The following ZFHX3 variants were observed in gnomAD, a reference collection of about 807,000 sequenced individuals.
ZFHX3 encodes the protein zinc finger homeobox protein 3.
In ZFHX3, 42 loss-of-function variants were observed where a neutral mutation model predicts 279.1. The ratio of observed to expected loss-of-function variants is 0.15; its 90% CI spans 0.12 to 0.19. ZFHX3 has a LOEUF of 0.19. ZFHX3 is among the 10% of genes least tolerant of loss of function. ZFHX3 has a pLI of 1.00. For synonymous variants in ZFHX3, 2,293 were observed against 1,957.8 expected (o/e 1.17, Z -4.52); for missense variants, 4,981 against 4,754.0 (o/e 1.05, Z -1.40).
intron 1 of ZFHX3, among the ~76,000 whole-genome samples, chr16:72,998,905 T>C (rs1200867774): frequency 6.6e-6 from 1 of 152,254 alleles, no homozygotes; most frequent in Non-Finnish European, 1.5e-5. Context: ...TGTCCACCAT[T>C]AAACTAGACC....
At chr16:73,651,199 GA>G (rs1205399642) in intron 2 of ZFHX3, among the ~76,000 whole-genome samples, 4 of 151,178 alleles carry the variant, frequency 2.6e-5, no homozygotes, top group African/African-American at 7.3e-5. Context: ...AGGCAAATGG[GA>G]GTATTAGTCA....
chr16:73,510,913 C>T (rs986310397), intron 2 of ZFHX3, among the ~76,000 whole-genome samples: 4 of 152,242 alleles, frequency 2.6e-5, no homozygotes, highest in Non-Finnish European at 5.9e-5. Context: ...CTCCTCTACC[C>T]TACAGTCTAT....
intron 2 of ZFHX3, among the ~76,000 whole-genome samples, chr16:73,635,685 G>A (rs1231876631): frequency 6.6e-6 from 1 of 151,938 alleles, no homozygotes; most frequent in Non-Finnish European, 1.5e-5. Context: ...CTCACCCTGT[G>A]ATCCTGATTG....
chr16:73,439,930 A>C (rs2018059709), intron 3 of ZFHX3, among the ~76,000 whole-genome samples: 8 of 143,256 alleles, frequency 5.6e-5, no homozygotes, highest in Admixed American at 2.0e-4. Context: ...AAAAAAAAAA[A>C]AACACAAAAA....
chr16:73,449,856 TA>T (rs1196669111), intron 3 of ZFHX3, among the ~76,000 whole-genome samples: 1 of 151,366 alleles, frequency 6.6e-6, no homozygotes, highest in East Asian at 1.9e-4. Context: ...CTCTTAATCA[TA>T]GATTGTTTCA....
intron 2 of ZFHX3, among the ~76,000 whole-genome samples, chr16:73,550,444 C>T (rs954933353): frequency 6.6e-6 from 1 of 152,166 alleles, no homozygotes; most frequent in Non-Finnish European, 1.5e-5. Flanking sequence ...CTTTGGAGAA[C>T]GCCCGCCGTC....
At chr16:73,542,747 C>G (rs1350526809) in intron 2 of ZFHX3, among the ~76,000 whole-genome samples, 2 of 152,004 alleles carry the variant, frequency 1.3e-5, no homozygotes, top group Non-Finnish European at 2.9e-5. Context: ...ATAAATATGT[C>G]TCATGCAATA....
chr16:73,055,308 T>C (rs1289211106), intron 1 of ZFHX3, among the ~76,000 whole-genome samples: 1 of 152,052 alleles, frequency 6.6e-6, no homozygotes, highest in Non-Finnish European at 1.5e-5. Context: ...GGGTTTTCTG[T>C]TGTTGCTGGG....
chr16:72,959,935 G>T lies in ZFHX3; in HGVS notation c.211C>A (p.Pro71Thr). 2 of 1,600,326 alleles carry T rather than the reference G, an allele frequency of 1.2e-6. No homozygotes were observed. Among genetic ancestry groups the T allele is most frequent in the Non-Finnish European group, 8.5e-7 (1 of 1,173,178 alleles). ...LAESTASAGP[P>T]SEPASKEVTC... The stretch of plus-strand genomic sequence containing the variant: ...ACCTCCTTGCTGGCGGGCTCGGAGG[G>T]GGGCCCGGCCGACGCGGTGCTCTCC... The change falls in exon 2 of 10, where the codon CCC (proline) becomes ACC (threonine). Residue 71 changes from proline to threonine, a missense_variant. This residue lies in a region of ZFHX3 where 1,068 missense variants were observed against 935.2 expected (regional missense o/e 1.14). Transcript: ENST00000268489.
intron 3 of ZFHX3, among the ~76,000 whole-genome samples, chr16:72,891,247 T>G (rs1478303673): frequency 6.6e-6 from 1 of 152,212 alleles, no homozygotes; most frequent in Non-Finnish European, 1.5e-5. Context: ...TTACGTCCTC[T>G]GTTGTACTTA....
At chr16:72,936,498 C>A (rs1300599929) in intron 3 of ZFHX3, among the ~76,000 whole-genome samples, 1 of 152,174 alleles carries the variant, frequency 6.6e-6, no homozygotes, top group Non-Finnish European at 1.5e-5. Context: ...ACTGGGTTGT[C>A]AGGGAAAGCC....
intron 1 of ZFHX3, among the ~76,000 whole-genome samples, chr16:72,994,833 G>A (rs1255492608): frequency 6.6e-6 from 1 of 152,230 alleles, no homozygotes; most frequent in East Asian, 1.9e-4. Flanking sequence ...TCTCTTGGCA[G>A]GTTTCAAGGT....
rs375435134 is a variant in ZFHX3 at position 72,855,138 on chromosome 16, C to T, written c.3449-25279G>A. Among the ~76,000 whole-genome samples the T allele has an allele frequency of 6.6e-5, 10 of 152,268 alleles. No homozygotes were observed. In the East Asian group the frequency reaches 1.9e-3, roughly 29 times the overall value. On this transcript the variant is annotated intron_variant, in intron 4 of 9. Coordinates refer to ENST00000268489, the MANE Select transcript of ZFHX3 (RefSeq NM_006885.4). ...CCATCTTCAACCTCTCCCTCTTCTC[C>T]CAAAATATATTCTACATTGTGGTCA...
intron 3 of ZFHX3, among the ~76,000 whole-genome samples, chr16:73,362,650 T>C (rs565412983): frequency 6.6e-6 from 1 of 152,334 alleles, no homozygotes; most frequent in South Asian, 2.1e-4. Flanking sequence ...TGTGGCATAA[T>C]ATAAGACAAG....
intron 8 of ZFHX3, among the ~76,000 whole-genome samples, chr16:73,087,631 A>G (rs1277075251): frequency 1.3e-5 from 2 of 152,190 alleles, no homozygotes; most frequent in Non-Finnish European, 2.9e-5. Context: ...CTGGGACTCT[A>G]AGCAACTGGC....
At chr16:73,469,627 A>ATAT (rs1555519000) in intron 2 of ZFHX3, among the ~76,000 whole-genome samples, 1 of 149,860 alleles carries the variant, frequency 6.7e-6, no homozygotes, top group East Asian at 2.0e-4. Context: ...ATATATATAT[A>ATAT]TTTTTTTTGA....
exon 8 of ZFHX3, chr16:73,093,549 G>A (rs368344291): frequency 3.8e-4 from 194 of 511,202 alleles, no homozygotes; most frequent in Non-Finnish European, 5.6e-4. Context: ...CAAGCCTGGA[G>A]CCCAGCCATT....
chr16:72,888,444 T>C (rs2038685648), intron 4 of ZFHX3, among the ~76,000 whole-genome samples: 1 of 151,864 alleles, frequency 6.6e-6, no homozygotes, highest in Admixed American at 6.6e-5. Flanking sequence ...ATCTGGGAGG[T>C]GGGACCAGTG....
chr16:72,899,018 A>G (rs1423643023), intron 3 of ZFHX3, among the ~76,000 whole-genome samples: 2 of 152,226 alleles, frequency 1.3e-5, no homozygotes, highest in Non-Finnish European at 2.9e-5. Context: ...ACTACTCTCC[A>G]GAAACAACCT....
Sources: gnomAD v4.1 joint callset for allele counts (sites outside exome capture counted in the v4.1 genomes callset) on GRCh38, gnomAD v4.1.1 for gene constraint, gnomAD v4.1.1 regional missense constraint, MANE v1.5 for transcripts, NCBI Gene and HGNC (gene_info 2026-07-23, HGNC 2026-07-21) for gene names.